FAM81A: variants seen among roughly 807,000 people sequenced by gnomAD.
FAM81A encodes protein FAM81A.
In FAM81A, 19 loss-of-function variants were observed where a neutral mutation model predicts 46.7. The observed-to-expected ratio is 0.41, with a 90% CI of 0.28 to 0.60. The LOEUF is 0.60. Among genes scored for constraint, FAM81A ranks in the 20% least tolerant of loss-of-function variants. FAM81A has a pLI of 0.34. For missense variants in FAM81A, 377 were observed against 453.5 expected (o/e 0.83, Z 1.53); for synonymous variants, 183 against 152.9 (o/e 1.20, Z -1.45).
chr15:59,469,994 G>T (rs2081664358), intron 3 of FAM81A, among the ~76,000 whole-genome samples: 1 of 152,064 alleles, frequency 6.6e-6, no homozygotes. Flanking sequence ...TGAAATTCTG[G>T]GTGGAAAAAA....
chr15:59,448,376 G>GA (rs1356161850), intron 1 of FAM81A, among the ~76,000 whole-genome samples: 86 of 151,856 alleles, frequency 5.7e-4, no homozygotes, highest in Non-Finnish European at 1.0e-3. Context: ...GACTCTGCCT[G>GA]AAAAAAAAGA....
intron 4 of FAM81A, among the ~76,000 whole-genome samples, chr15:59,503,677 A>T (rs1441575886): frequency 1.3e-5 from 2 of 151,938 alleles, no homozygotes; most frequent in African/African-American, 4.8e-5. Flanking sequence ...GGCTCAAGCG[A>T]TTCTTGTGCC....
chr15:59,477,211 G>C (rs577711977), intron 3 of FAM81A, among the ~76,000 whole-genome samples: 1 of 151,848 alleles, frequency 6.6e-6, no homozygotes, highest in African/African-American at 2.4e-5. Flanking sequence ...GAGGTGTGAA[G>C]ATATTTAAAT....
chr15:59,482,589 T>C (rs2081866806), intron 3 of FAM81A, among the ~76,000 whole-genome samples: 1 of 152,196 alleles, frequency 6.6e-6, no homozygotes, highest in Admixed American at 6.5e-5. Context: ...TAATACAGTG[T>C]ATTAGGCGCT....
intron 8 of FAM81A, among the ~76,000 whole-genome samples, chr15:59,517,410 A>G (rs1334178729): frequency 1.3e-5 from 2 of 152,208 alleles, no homozygotes; most frequent in Non-Finnish European, 2.9e-5. Flanking sequence ...GACAGATTTT[A>G]ACTCAATATG....
chr15:59,426,136 C>T (rs1220069845), intron 2 of FAM81A, among the ~76,000 whole-genome samples: 1 of 152,196 alleles, frequency 6.6e-6, no homozygotes, highest in Non-Finnish European at 1.5e-5. Flanking sequence ...TTGCTAACCA[C>T]ACTTTTTGAA....
chr15:59,446,271 G>C (rs2081353514), intron 1 of FAM81A, among the ~76,000 whole-genome samples: 1 of 152,160 alleles, frequency 6.6e-6, no homozygotes, highest in African/African-American at 2.4e-5. Context: ...TATTAATAGA[G>C]GAGAACAAAA....
upstream of FAM81A, among the ~76,000 whole-genome samples, chr15:59,433,966 G>A (rs760016537): frequency 6.6e-6 from 1 of 152,108 alleles, no homozygotes; most frequent in African/African-American, 2.4e-5. Flanking sequence ...AAAAATTCTC[G>A]TGTCTCAGTG....
At chr15:59,488,072 A>T (rs181318367) in intron 3 of FAM81A, among the ~76,000 whole-genome samples, 2 of 152,360 alleles carry the variant, frequency 1.3e-5, no homozygotes, top group East Asian at 3.8e-4. Context: ...ATCATTCATC[A>T]TTAACAAGTG....
chr15:59,460,071 G>A lies in FAM81A; in HGVS notation c.159G>A (p.Arg53=), dbSNP rs2081533201. Residue 53 remains arginine, a synonymous_variant, in exon 3 of 9, where the codon CGG becomes CGA. Transcript: ENST00000288228. This position sits in a 1 kb window ranked among gnomAD's most constrained non-coding sequence, Gnocchi z 4.4. ...CCGCCCTCGTAGAGCACGCCTTTCG[G>A]ATTAAAGATGACATTGTCAACAGTT... ...TTAALVEHAF[R]IKDDIVNSLQ... 6.2e-7 allele frequency: 1 copy of A among 1,613,828 alleles called. No homozygotes were observed. Among genetic ancestry groups the A allele is most frequent in the African/African-American group, 1.3e-5 (1 of 74,904 alleles).
chr15:59,472,876 G>C (rs1449426327), intron 3 of FAM81A, among the ~76,000 whole-genome samples: 2 of 152,152 alleles, frequency 1.3e-5, no homozygotes, highest in Non-Finnish European at 2.9e-5. Flanking sequence ...TAATATACTT[G>C]TCTTTGGATG....
chr15:59,432,004 CT>C (rs1400750976), intron 2 of FAM81A, among the ~76,000 whole-genome samples: 1 of 152,134 alleles, frequency 6.6e-6, no homozygotes, highest in Non-Finnish European at 1.5e-5. Context: ...ACCTATTTAT[CT>C]CTTTAAAAAC....
At chr15:59,428,490 G>C (rs983361649) in intron 2 of FAM81A, among the ~76,000 whole-genome samples, 1 of 149,990 alleles carries the variant, frequency 6.7e-6, no homozygotes, top group East Asian at 1.9e-4. Flanking sequence ...GCCCAGGCTG[G>C]TCTCAAATTC....
At chr15:59,480,090 A>G (rs1384602165) in intron 3 of FAM81A, among the ~76,000 whole-genome samples, 3 of 152,050 alleles carry the variant, frequency 2.0e-5, no homozygotes, top group Non-Finnish European at 4.4e-5. Context: ...GATTTTGGAG[A>G]TAGAGCTGAC....
intron 3 of FAM81A, among the ~76,000 whole-genome samples, chr15:59,487,133 G>A (rs2081926030): frequency 9.5e-6 from 1 of 105,690 alleles, no homozygotes; most frequent in South Asian, 3.0e-4. Flanking sequence ...GTTAAAAAGT[G>A]TGGAGATGAT....
At chr15:59,492,826 C>G (rs1326686629) in intron 4 of FAM81A, among the ~76,000 whole-genome samples, 3 of 152,078 alleles carry the variant, frequency 2.0e-5, no homozygotes, top group Non-Finnish European at 4.4e-5. Flanking sequence ...ATGAAAAGTG[C>G]TATTTTCTCA....
intron 1 of FAM81A, among the ~76,000 whole-genome samples, chr15:59,448,221 A>G (rs1299638858): frequency 6.6e-6 from 1 of 152,138 alleles, no homozygotes; most frequent in East Asian, 1.9e-4. Context: ...TACTAAAAAT[A>G]CAAAAATTAG....
At chr15:59,400,723 C>G (rs2081066631) in intron 1 of FAM81A, among the ~76,000 whole-genome samples, 1 of 152,218 alleles carries the variant, frequency 6.6e-6, no homozygotes. Context: ...ATGCTCTTTT[C>G]TTCTCCCAGT....
chr15:59,467,207 T>A (rs151263571), intron 3 of FAM81A, among the ~76,000 whole-genome samples: 205 of 152,352 alleles, frequency 1.3e-3, no homozygotes, highest in African/African-American at 4.9e-3. Context: ...TTTGGTTCCA[T>A]ATGAACTTTA....
Sources: gnomAD v4.1 joint callset for allele counts (sites outside exome capture counted in the v4.1 genomes callset) on GRCh38, gnomAD v4.1.1 for gene constraint, Gnocchi (gnomAD v3.1) non-coding constraint, MANE v1.5 for transcripts, NCBI Gene and HGNC (gene_info 2026-07-23, HGNC 2026-07-21) for gene names.